The following LDAH variants were observed in gnomAD, a reference collection of about 807,000 sequenced individuals.
LDAH encodes lipid droplet associated hydrolase.
LDAH carries 26 observed loss-of-function variants against 29.6 expected under a neutral mutation model. The ratio of observed to expected loss-of-function variants is 0.88; its 90% CI spans 0.64 to 1.22. The LOEUF is 1.22. Ranked by LOEUF, LDAH falls within the 50% of genes most tolerant of loss-of-function variation. LDAH has a pLI of 0.00. For synonymous variants in LDAH, 117 were observed against 133.0 expected, an observed-to-expected ratio of 0.88 and a Z score of 0.83; for missense variants, 344 against 387.3, an observed-to-expected ratio of 0.89 and a Z score of 0.94.
intron 6 of LDAH, among the ~76,000 whole-genome samples, chr2:20,699,713 G>T (rs1222032236): frequency 6.6e-6 from 1 of 152,136 alleles, no homozygotes; most frequent in Non-Finnish European, 1.5e-5. Flanking sequence ...TTATTCCTGT[G>T]ACTGTGTGTT....
chr2:20,798,511 A>G lies in LDAH; in HGVS notation c.154+2799T>C, dbSNP rs549234932. Among the ~76,000 whole-genome samples, 95 of 151,642 alleles carry G rather than the reference A, an allele frequency of 6.3e-4. 1 individual carries two copies. The South Asian group carries it at 0.019, about 31-fold the overall frequency. On this transcript the variant is annotated intron_variant, in intron 2 of 6. Transcript: ENST00000237822. ...ACCCAGGGAAAACAAACAAAAATAT[A>G]TAAGAAAGGAAATGCATGCGCAATT...
intron 2 of LDAH, among the ~76,000 whole-genome samples, chr2:20,792,296 C>G (rs1273613487): frequency 6.6e-6 from 1 of 152,056 alleles, no homozygotes; most frequent in Non-Finnish European, 1.5e-5. Context: ...CTATAACTTA[C>G]TACATGCCAG....
chr2:20,756,094 C>A (rs369673300), intron 4 of LDAH, among the ~76,000 whole-genome samples: 1 of 151,818 alleles, frequency 6.6e-6, no homozygotes, highest in Non-Finnish European at 1.5e-5. Context: ...TGTAGTGGCG[C>A]GGTCTTGGCT....
At chr2:20,697,539 C>G (rs1030275249) in intron 6 of LDAH, among the ~76,000 whole-genome samples, 1 of 152,164 alleles carries the variant, frequency 6.6e-6, no homozygotes, top group Admixed American at 6.5e-5. Flanking sequence ...ATTGGTCAAT[C>G]CCTATATCAC....
In LDAH at chr2:20,747,567, T is replaced by C. The variant is rs150504466; in HGVS notation, c.469-7362A>G. 7.9e-4 allele frequency among the ~76,000 whole-genome samples: 121 copies of C among 152,294 alleles called. 3 individuals are homozygous for C. In the East Asian group the frequency reaches 0.013, roughly 16 times the overall value. On this transcript the variant is annotated intron_variant, in intron 4 of 6. Coordinates refer to ENST00000237822, the MANE Select transcript of LDAH (RefSeq NM_021925.4). ...TTTATCTCCTCTTCCCATAAGGCCA[T>C]GTGTTCTTCTCCTTAGGATCACACT...
intron 6 of LDAH, 85 bp downstream of exon 6, chr2:20,701,485 A>G: frequency 9.1e-7 from 1 of 1,093,026 alleles, no homozygotes; most frequent in Non-Finnish European, 1.4e-6. Context: ...AAAGTCTTAC[A>G]GATTCTAACT....
At chr2:20,728,091 TG>T (rs1168126650) in intron 5 of LDAH, among the ~76,000 whole-genome samples, 1 of 152,164 alleles carries the variant, frequency 6.6e-6, no homozygotes, top group Non-Finnish European at 1.5e-5. Context: ...ACAACAAAAA[TG>T]TGTGTATAAA....
intron 4 of LDAH, among the ~76,000 whole-genome samples, chr2:20,746,189 T>C (rs969003489): frequency 1.3e-5 from 2 of 152,194 alleles, no homozygotes; most frequent in Admixed American, 6.5e-5. Context: ...ACCACACAGA[T>C]TCCAGACTGG....
intron 4 of LDAH, among the ~76,000 whole-genome samples, chr2:20,746,473 G>T (rs1667577636): frequency 6.6e-6 from 1 of 152,116 alleles, no homozygotes; most frequent in African/African-American, 2.4e-5. Flanking sequence ...ATGCGTCACT[G>T]CCTTGTAAAA....
rs1054753726 is a variant in LDAH at position 20,802,280 on chromosome 2, G to A, written c.-2-815C>T. Among the ~76,000 whole-genome samples, 6 of 151,886 alleles carry A rather than the reference G, an allele frequency of 4.0e-5. No individual in the cohort carries two copies. In the East Asian group the frequency reaches 5.8e-4, roughly 15 times the overall value. On this transcript the variant is annotated intron_variant, in intron 1 of 6. Coordinates refer to ENST00000237822, the MANE Select transcript of LDAH (RefSeq NM_021925.4). ...TTGCCATGTTGGCCAGGCCGGTCTTGAACCCCTGATCTCAGATAATCCACC... is the reference window on the plus strand; with the variant it reads ...TTGCCATGTTGGCCAGGCCGGTCTTAAACCCCTGATCTCAGATAATCCACC...
chr2:20,742,106 T>C (rs1165160311), intron 4 of LDAH, among the ~76,000 whole-genome samples: 1 of 152,238 alleles, frequency 6.6e-6, no homozygotes, highest in African/African-American at 2.4e-5. Context: ...TTTTGGGACT[T>C]TCCAGTTATC....
intron 5 of LDAH, among the ~76,000 whole-genome samples, chr2:20,729,775 A>C (rs1333774029): frequency 1.3e-5 from 2 of 152,166 alleles, no homozygotes; most frequent in Non-Finnish European, 2.9e-5. Context: ...ACCACAGTAT[A>C]ATGTTACAGC....
At chr2:20,757,994 T>C (rs990731310) in intron 4 of LDAH, among the ~76,000 whole-genome samples, 1 of 152,186 alleles carries the variant, frequency 6.6e-6, no homozygotes, top group African/African-American at 2.4e-5. Flanking sequence ...CATAAACATG[T>C]GAGCCAATTC....
At chr2:20,722,220 A>G (rs1665697889) in intron 5 of LDAH, among the ~76,000 whole-genome samples, 1 of 152,002 alleles carries the variant, frequency 6.6e-6, no homozygotes, top group South Asian at 2.1e-4. Context: ...CTAAAAATGC[A>G]AAAATTAGCC....
At chr2:20,763,903 G>C (rs558404506) in intron 4 of LDAH, among the ~76,000 whole-genome samples, 1 of 151,694 alleles carries the variant, frequency 6.6e-6, no homozygotes, top group South Asian at 2.1e-4. Flanking sequence ...CTTTCTTGCA[G>C]CTTTCCAAAA....
At position 20,685,149 on chromosome 2, in the gene LDAH, A is replaced by T. The variant is rs997209112; in HGVS notation, c.*1754T>A. 2 of 539,480 alleles carry T rather than the reference A, an allele frequency of 3.7e-6. No individual in the cohort carries two copies. The highest frequency in any genetic ancestry group is 6.1e-6 in the Non-Finnish European group (2 of 326,488). 33.4% of individuals were successfully genotyped at this position (539,480 alleles called of 1,614,324 possible). ...GTATCTTTCTTAGGCTCTAAAAACC[A>T]GAAATAAGACACAATTTCATACGTG... On this transcript the variant is annotated 3_prime_UTR_variant, in exon 7 of 7. Coordinates refer to ENST00000237822, the MANE Select transcript of LDAH (RefSeq NM_021925.4).
intron 5 of LDAH, among the ~76,000 whole-genome samples, chr2:20,713,454 A>G (rs7419831): frequency 0.61 from 92,020 of 152,008 alleles, 29,532 homozygotes; most frequent in African/African-American, 0.84. Context: ...AAAGACCATC[A>G]ATCCTATGAA....
At chr2:20,716,467 T>C (rs866831831) in intron 5 of LDAH, among the ~76,000 whole-genome samples, 2 of 150,024 alleles carry the variant, frequency 1.3e-5, no homozygotes, top group South Asian at 4.2e-4. Context: ...CCGAGCAAAC[T>C]ATCACAAGGA....
chr2:20,806,930 G>A (rs1672100922), intron 1 of LDAH, among the ~76,000 whole-genome samples: 1 of 151,624 alleles, frequency 6.6e-6, no homozygotes, highest in African/African-American at 2.4e-5. Flanking sequence ...AGATAATAAT[G>A]AAGAGTAGAT....
Sources: gnomAD v4.1 joint callset for allele counts (sites outside exome capture counted in the v4.1 genomes callset) on GRCh38, gnomAD v4.1.1 for gene constraint, MANE v1.5 for transcripts, NCBI Gene and HGNC (gene_info 2026-07-23, HGNC 2026-07-21) for gene names.